PHACTR2: variants seen among roughly 807,000 people sequenced by gnomAD.
PHACTR2 encodes the protein chromosome 6 open reading frame 56.
PHACTR2 carries 30 observed loss-of-function variants against 76.0 expected under a neutral mutation model. The ratio of observed to expected loss-of-function variants is 0.39; its 90% CI spans 0.30 to 0.54. The LOEUF is 0.54. PHACTR2 is among the 20% of genes least tolerant of loss of function. PHACTR2 has a pLI of 0.61. For synonymous variants in PHACTR2, 292 were observed against 292.5 expected, an observed-to-expected ratio of 1.00 and a Z score of 0.02; for missense variants, 696 against 781.1, an observed-to-expected ratio of 0.89 and a Z score of 1.30.
rs1052631213 is a variant in PHACTR2 at position 143,755,041 on chromosome 6, A to T, written c.454+1129A>T. 3.3e-5 allele frequency among the ~76,000 whole-genome samples: 5 copies of T among 152,206 alleles called. No homozygotes were observed. The highest frequency in any genetic ancestry group is 5.9e-5 in the Non-Finnish European group (4 of 68,020). ...ATTATTTGCATATATATTAGCCTTT[A>T]AAAGTTTTAGAAGCCTGTGTAAATA... On this transcript the variant is annotated intron_variant, in intron 4 of 12. Transcript: ENST00000440869. This position sits in a 1 kb window ranked among gnomAD's most constrained non-coding sequence, Gnocchi z 5.2.
chr6:143,706,392 A>G (rs1009445264), intron 1 of PHACTR2, among the ~76,000 whole-genome samples: 1 of 152,226 alleles, frequency 6.6e-6, no homozygotes, highest in Non-Finnish European at 1.5e-5. Context: ...AAACCCATGC[A>G]TATATACATG....
rs1277776690 is a variant in PHACTR2, at chr6:143,639,513, A to G, written c.13+31191A>G. Reference sequence around the variant, plus strand: ...TAGATCACCTATTTTTACTTTTGGCATCTAGATGACATTTGGCCCATTCAA... The same window carrying G: ...TAGATCACCTATTTTTACTTTTGGCGTCTAGATGACATTTGGCCCATTCAA... On this transcript the variant is annotated intron_variant, in intron 1 of 11. Transcript: ENST00000305766. The surrounding 1 kb of genome is among the most constrained non-coding windows in gnomAD (Gnocchi z 5.0). 3.3e-5 allele frequency among the ~76,000 whole-genome samples: 5 copies of G among 152,124 alleles called. No homozygotes were observed. The highest frequency in any genetic ancestry group is 6.6e-5 in the Admixed American group (1 of 15,264).
chr6:143,786,839 C>T (rs1205136916), intron 10 of PHACTR2, among the ~76,000 whole-genome samples: 2 of 152,194 alleles, frequency 1.3e-5, no homozygotes, highest in African/African-American at 2.4e-5. Flanking sequence ...CTGGGTCCCT[C>T]CCACAACATG....
At position 143,829,379 on chromosome 6, in the gene PHACTR2, A is replaced by G. The variant is rs904415099; in HGVS notation, c.*5690A>G. Reference sequence around the variant, plus strand: ...ATTTCACCTGGTTATGCTGCATCCCATAAGTTCCAAATGAATCACCTGCTT... The same window carrying G: ...ATTTCACCTGGTTATGCTGCATCCCGTAAGTTCCAAATGAATCACCTGCTT... On this transcript the variant is annotated 3_prime_UTR_variant, in exon 13 of 13. Transcript: ENST00000440869. 2.0e-5 allele frequency: 3 copies of G among 152,258 alleles called. No individual in the cohort carries two copies. Among genetic ancestry groups the G allele is most frequent in the South Asian group, 2.1e-4 (1 of 4,824 alleles). The allele number at this position is 152,258 out of a possible 1,614,324, so 9.4% of individuals were successfully genotyped here. A position where few individuals can be genotyped will look rare whatever the true frequency, so the allele number is the denominator to read the frequency against.
At chr6:143,763,205 A>G (rs1779477847) in intron 5 of PHACTR2, among the ~76,000 whole-genome samples, 3 of 152,024 alleles carry the variant, frequency 2.0e-5, no homozygotes, top group Admixed American at 2.0e-4. Context: ...CTAAAAATAC[A>G]AAAATTACCC....
chr6:143,790,023 G>C (rs1775642162), intron 11 of PHACTR2, among the ~76,000 whole-genome samples: 1 of 152,214 alleles, frequency 6.6e-6, no homozygotes, highest in Non-Finnish European at 1.5e-5. Flanking sequence ...CAGCAGCTTG[G>C]AAGGACTGTG....
rs1203196531 is a variant in PHACTR2 at position 143,623,322 on chromosome 6, T to C, written c.13+15000T>C. Among the ~76,000 whole-genome samples the C allele has an allele frequency of 6.6e-6, 1 of 152,148 alleles. No individual in the cohort carries two copies. The highest frequency in any genetic ancestry group is 2.4e-5 in the African/African-American group (1 of 41,428). ...ATGGAGAGAGAAAAAAATGTCATCA[T>C]AATACCCAAATGAAGGCCCAGGTGA... On this transcript the variant is annotated intron_variant, in intron 1 of 11. Transcript: ENST00000305766. This position sits in a 1 kb window ranked among gnomAD's most constrained non-coding sequence, Gnocchi z 5.9.
chr6:143,734,507 A>T (rs1778775621), intron 2 of PHACTR2, among the ~76,000 whole-genome samples: 1 of 152,196 alleles, frequency 6.6e-6, no homozygotes, highest in South Asian at 2.1e-4. Flanking sequence ...TAAGCAAGGC[A>T]TTTTCACTGA....
In PHACTR2 at chr6:143,828,943, G is replaced by T. The variant is rs1186078895; in HGVS notation, c.*5254G>T. Reference sequence around the variant, plus strand: ...TGAATGCCACTGTCTACTGCATTTTGAGGACACAGGGAGAAAAAGTGCCTA... The same window carrying T: ...TGAATGCCACTGTCTACTGCATTTTTAGGACACAGGGAGAAAAAGTGCCTA... On this transcript the variant is annotated 3_prime_UTR_variant, in exon 13 of 13. Transcript: ENST00000440869. The surrounding 1 kb of genome is among the most constrained non-coding windows in gnomAD (Gnocchi z 4.7). The T allele has an allele frequency of 6.6e-6, 1 of 152,142 alleles. No individual in the cohort carries two copies. Among genetic ancestry groups the T allele is most frequent in the Admixed American group, 6.5e-5 (1 of 15,278 alleles). The allele number at this position is 152,142 out of a possible 1,614,324, so 9.4% of individuals were successfully genotyped here.
At chr6:143,638,134 A>G (rs2328507) in intron 1 of PHACTR2, among the ~76,000 whole-genome samples, 32,519 of 152,210 alleles carry the variant, frequency 0.21, 3,441 homozygotes, top group South Asian at 0.29. Context: ...GTAAATATAG[A>G]CAGAAACCAC....
intron 11 of PHACTR2, among the ~76,000 whole-genome samples, chr6:143,796,379 T>TTTTCTTTCTTTCTTTCTTTC (rs147314577): frequency 4.0e-5 from 6 of 148,832 alleles, no homozygotes; most frequent in African/African-American, 1.5e-4. Flanking sequence ...TTTCTTTTTC[T>TTTTCTTTCTTTCTTTCTTTC]TTTCTTTCTT....
intron 1 of PHACTR2, among the ~76,000 whole-genome samples, chr6:143,649,402 A>C (rs1776717641): frequency 6.6e-6 from 1 of 152,242 alleles, no homozygotes; most frequent in Non-Finnish European, 1.5e-5. Context: ...AGAAAACTTC[A>C]TGCCAATATC....
In PHACTR2 at chr6:143,733,869, A is replaced by G. The variant is rs1778760541; in HGVS notation, c.215-15116A>G. Among the ~76,000 whole-genome samples the G allele has an allele frequency of 6.6e-6, 1 of 152,246 alleles. No individual in the cohort carries two copies. The highest frequency in any genetic ancestry group is 1.5e-5 in the Non-Finnish European group (1 of 68,052). ...GCTAGAAATTCTGTGGGCAAGAGAT[A>G]TTATATAATAATTTTATTACGTATG... On this transcript the variant is annotated intron_variant, in intron 2 of 12. Transcript: ENST00000440869. The surrounding 1 kb of genome is among the most constrained non-coding windows in gnomAD (Gnocchi z 4.0).
At position 143,757,430 on chromosome 6, in the gene PHACTR2, G is replaced by A. The variant is rs140572248; in HGVS notation, c.455-2971G>A. ...AAGACATGAAGGAAACAAGAAGGAG[G>A]TCATCAAGTGAAGCAGAGGAATTGG... On this transcript the variant is annotated intron_variant, in intron 4 of 12. Transcript: ENST00000440869. The surrounding 1 kb of genome is among the most constrained non-coding windows in gnomAD (Gnocchi z 4.2). Among the ~76,000 whole-genome samples, 6 of 152,192 alleles carry A rather than the reference G, an allele frequency of 3.9e-5. No homozygotes were observed. The highest frequency in any genetic ancestry group is 1.4e-4 in the African/African-American group (6 of 41,448).
chr6:143,676,315 G>T (rs1777243736), upstream of PHACTR2, among the ~76,000 whole-genome samples: 1 of 152,130 alleles, frequency 6.6e-6, no homozygotes, highest in African/African-American at 2.4e-5. This position sits in a 1 kb window ranked among gnomAD's most constrained non-coding sequence, Gnocchi z 4.8. Context: ...TTTGAAATAA[G>T]AATTTATAGA....
At chr6:143,744,511 A>G (rs1311923212) in intron 2 of PHACTR2, among the ~76,000 whole-genome samples, 2 of 152,220 alleles carry the variant, frequency 1.3e-5, no homozygotes, top group African/African-American at 4.8e-5. Flanking sequence ...GGGAATAGCC[A>G]TTCTACATCA....
rs7756865 is a variant in PHACTR2, at chr6:143,717,688, T to C, written c.214+5505T>C. Among the ~76,000 whole-genome samples, 1,326 of 152,098 alleles carry C rather than the reference T, an allele frequency of 8.7e-3. 26 individuals are homozygous for C. Among genetic ancestry groups the C allele is most frequent in the African/African-American group, 0.03 (1,256 of 41,468 alleles). On this transcript the variant is annotated intron_variant, in intron 2 of 12. Coordinates refer to ENST00000440869, the MANE Select transcript of PHACTR2 (RefSeq NM_001100164.2). ...CCTAGGCTCAGATGATCCTCCCACC[T>C]GAGCCTCCCAAATAGCCGAGACTAC...
intron 10 of PHACTR2, among the ~76,000 whole-genome samples, chr6:143,785,402 C>T (rs1775532390): frequency 6.6e-6 from 1 of 152,192 alleles, no homozygotes; most frequent in South Asian, 2.1e-4. Context: ...GGCAGCTCCA[C>T]CTCTGTGGCT....
Position 143,672,438 on chromosome 6 carries a change from G to A in PHACTR2, c.14-39578G>A, listed in dbSNP as rs1205268050. On this transcript the variant is annotated intron_variant, in intron 1 of 11. Coordinates refer to the PHACTR2 transcript ENST00000305766. This position sits in a 1 kb window ranked among gnomAD's most constrained non-coding sequence, Gnocchi z 5.8. ...ATTATACCACTGCACTCCAGCCTGG[G>A]CCACAGAGCAAGACGCTGTCTCAAA... 6.6e-6 allele frequency among the ~76,000 whole-genome samples: 1 copy of A among 152,136 alleles called. No homozygotes were observed. The highest frequency in any genetic ancestry group is 1.9e-4 in the East Asian group (1 of 5,164).
Sources: gnomAD v4.1 joint callset for allele counts (sites outside exome capture counted in the v4.1 genomes callset) on GRCh38, gnomAD v4.1.1 for gene constraint, Gnocchi (gnomAD v3.1) non-coding constraint, MANE v1.5 for transcripts, NCBI Gene and HGNC (gene_info 2026-07-23, HGNC 2026-07-21) for gene names.